The following CIMIP5 variants were observed in gnomAD, a reference collection of about 807,000 sequenced individuals.
CIMIP5 encodes uncharacterized protein C2orf50.
chr2:11,150,520 C>G, the CIMIP5 span, among the ~76,000 whole-genome samples: 4 of 151,622 alleles, frequency 2.6e-5, no homozygotes, highest in African/African-American at 9.7e-5. Context: ...TTTGTAGAGA[C>G]AGGGTTTCAC....
chr2:11,144,318 C>T, the CIMIP5 span: 37 of 385,388 alleles, frequency 9.6e-5, no homozygotes, highest in East Asian at 4.0e-4. Flanking sequence ...AACTGGTCCA[C>T]GGCCGTACAA....
chr2:11,140,576 C>T, the CIMIP5 span: 1 of 1,524,130 alleles, frequency 6.6e-7, no homozygotes, highest in Non-Finnish European at 9.0e-7. Context: ...TCCTGCCAAA[C>T]ATACTTGCAA....
the CIMIP5 span, among the ~76,000 whole-genome samples, chr2:11,147,929 G>A: frequency 6.6e-6 from 1 of 152,132 alleles, no homozygotes; most frequent in African/African-American, 2.4e-5. Flanking sequence ...AAGGGAGGGT[G>A]GATGGGCCAG....
the CIMIP5 span, among the ~76,000 whole-genome samples, chr2:11,138,006 C>T: frequency 1.3e-4 from 20 of 152,138 alleles, no homozygotes; most frequent in African/African-American, 2.6e-4. Flanking sequence ...CTACCACGCC[C>T]GGCTAATTTT....
chr2:11,148,732 C>T, the CIMIP5 span, among the ~76,000 whole-genome samples: 3,751 of 35,420 alleles, frequency 0.11, 260 homozygotes, highest in East Asian at 0.39. Flanking sequence ...AATGAAAACT[C>T]TTTTTTTTTT....
the CIMIP5 span, among the ~76,000 whole-genome samples, chr2:11,141,121 C>CTTTTTTTT: frequency 1.7e-5 from 1 of 60,428 alleles, no homozygotes; most frequent in Non-Finnish European, 2.8e-5. Context: ...CCACAACACA[C>CTTTTTTTT]TTTTTTTTTT....
chr2:11,152,766 A>G, the CIMIP5 span, among the ~76,000 whole-genome samples: 14 of 151,924 alleles, frequency 9.2e-5, no homozygotes, highest in Non-Finnish European at 1.3e-4. Context: ...AGCTGTTTTG[A>G]GGCCATCCTC....
chr2:11,144,882 A>G, the CIMIP5 span: 2 of 151,368 alleles, frequency 1.3e-5, no homozygotes, highest in African/African-American at 4.9e-5. Context: ...TGATGCAATT[A>G]TAAATCATTG....
the CIMIP5 span, chr2:11,144,988 T>A: frequency 0.15 from 22,693 of 150,294 alleles, 2,378 homozygotes; most frequent in Non-Finnish European, 0.21. Flanking sequence ...CTAATTTTTT[T>A]TTTATTTTTA....
At chr2:11,146,153 TTATTCGGCAG>T in the CIMIP5 span, 1 of 152,334 alleles carries the variant, frequency 6.6e-6, no homozygotes, top group African/African-American at 2.4e-5. Context: ...TGCTTGGGTC[TTATTCGGCAG>T]TAGCTAAATG....
the CIMIP5 span, among the ~76,000 whole-genome samples, chr2:11,140,835 G>A: frequency 1.3e-5 from 2 of 152,264 alleles, no homozygotes; most frequent in East Asian, 3.9e-4. Flanking sequence ...GATTGAGGAT[G>A]GCAGCAATAT....
chr2:11,133,680 A>C, the CIMIP5 span: 1 of 1,505,890 alleles, frequency 6.6e-7, no homozygotes, highest in Non-Finnish European at 8.8e-7. Flanking sequence ...TGGGAGGGCA[A>C]ATGATCTGGC....
the CIMIP5 span, chr2:11,133,535 G>T: frequency 6.2e-7 from 1 of 1,607,960 alleles, no homozygotes; most frequent in African/African-American, 1.3e-5. Context: ...ATGGCGTGCA[G>T]CAGGACCAGC....
the CIMIP5 span, chr2:11,133,371 A>G: frequency 3.7e-6 from 6 of 1,610,656 alleles, no homozygotes; most frequent in East Asian, 1.1e-4. Flanking sequence ...CCAGAGAACC[A>G]CATCAGCTGG....
chr2:11,137,901 A>G, the CIMIP5 span, among the ~76,000 whole-genome samples: 2 of 152,212 alleles, frequency 1.3e-5, no homozygotes, highest in Non-Finnish European at 2.9e-5. Context: ...GCTGGAGTGC[A>G]GTGGTGCCAT....
the CIMIP5 span, among the ~76,000 whole-genome samples, chr2:11,148,730 C>CTTTTTT: frequency 2.3e-4 from 15 of 63,854 alleles, 1 homozygote; most frequent in African/African-American, 5.8e-4. Flanking sequence ...CTAATGAAAA[C>CTTTTTT]TCTTTTTTTT....
the CIMIP5 span, among the ~76,000 whole-genome samples, chr2:11,149,677 A>G: frequency 6.6e-6 from 1 of 152,094 alleles, no homozygotes; most frequent in African/African-American, 2.4e-5. Context: ...ACTGCCTTCC[A>G]GCCTGGGTGA....
At chr2:11,141,994 G>A in the CIMIP5 span, among the ~76,000 whole-genome samples, 11 of 152,014 alleles carry the variant, frequency 7.2e-5, no homozygotes, top group East Asian at 1.9e-4. Context: ...AGCTGGATGC[G>A]GTGGCTCACG....
At chr2:11,135,787 C>A in the CIMIP5 span, among the ~76,000 whole-genome samples, 1 of 152,026 alleles carries the variant, frequency 6.6e-6, no homozygotes, top group African/African-American at 2.4e-5. Context: ...AGATGATCCA[C>A]GTGCCTCAGC....
Sources: gnomAD v4.1 joint callset for allele counts (sites outside exome capture counted in the v4.1 genomes callset) on GRCh38, gnomAD v4.1.1 for gene constraint, MANE v1.5 for transcripts, NCBI Gene and HGNC (gene_info 2026-07-23, HGNC 2026-07-21) for gene names.